Variants in TRIM66 observed in about 807,000 individuals in gnomAD.
The protein encoded by TRIM66 is tripartite motif containing 66, also known as tripartite motif-containing protein 66.
In TRIM66, 99 loss-of-function variants were observed where a neutral mutation model predicts 148.2. The ratio of observed to expected loss-of-function variants is 0.67; its 90% confidence interval spans 0.57 to 0.79. The LOEUF is 0.79. TRIM66 is among the 30% of genes least tolerant of loss of function. TRIM66 has a pLI of 0.00. For synonymous variants in TRIM66, 616 were observed against 635.9 expected, an observed-to-expected ratio of 0.97 and a Z score of 0.47; for missense variants, 1,666 against 1,697.9, an observed-to-expected ratio of 0.98 and a Z score of 0.33.
At chr11:8,681,737 C>T (rs985570336) in intron 1 of TRIM66, among the ~76,000 whole-genome samples, 1 of 151,852 alleles carries the variant, frequency 6.6e-6, no homozygotes, top group African/African-American at 2.4e-5. Flanking sequence ...AAAAACAGTC[C>T]TTGACCACAT....
intron 7 of TRIM66, among the ~76,000 whole-genome samples, chr11:8,650,300 G>C (rs1322246684): frequency 6.6e-6 from 1 of 152,118 alleles, no homozygotes; most frequent in Non-Finnish European, 1.5e-5. Flanking sequence ...TTGAGCTCAG[G>C]AGGTCAAGGC....
intron 15 of TRIM66, among the ~76,000 whole-genome samples, chr11:8,629,096 T>C (rs2035148501): frequency 6.6e-6 from 1 of 152,216 alleles, no homozygotes; most frequent in Admixed American, 6.5e-5. Context: ...TTGGGTAAGC[T>C]AGGAATGAAG....
intron 15 of TRIM66, among the ~76,000 whole-genome samples, chr11:8,632,303 A>G (rs2035477042): frequency 6.6e-6 from 1 of 152,112 alleles, no homozygotes; most frequent in African/African-American, 2.4e-5. Context: ...GTGAGATTTC[A>G]TCTCAAAAAA....
Position 8,625,227 on chromosome 11 carries a change from T to C in TRIM66, c.2312A>G (p.His771Arg), listed in dbSNP as rs1165362144. 2 of 1,494,846 alleles carry C rather than the reference T, an allele frequency of 1.3e-6. No homozygotes were observed. Among genetic ancestry groups the C allele is most frequent in the East Asian group, 5.0e-5 (2 of 40,382 alleles). 92.6% of individuals were successfully genotyped at this position (1,494,846 alleles called of 1,614,324 possible). ...GCCCATGATGCTCAGCGAGGTGGAGTGCTGCAGGAACAGAGACAAGGGGTA... is the reference window on the plus strand; with the variant it reads ...GCCCATGATGCTCAGCGAGGTGGAGCGCTGCAGGAACAGAGACAAGGGGTA... ...QHSSPNVVRK[H>R]STSLSIMGFS... Residue 771 changes from histidine (H) to arginine (R), a missense_variant and splice_region_variant, in exon 16 of 25, where the codon CAC becomes CGC. Coordinates refer to ENST00000646038, the MANE Select transcript of TRIM66 (RefSeq NM_001388022.1).
At chr11:8,681,669 G>A (rs1475834135) in intron 1 of TRIM66, among the ~76,000 whole-genome samples, 1 of 152,146 alleles carries the variant, frequency 6.6e-6, no homozygotes, top group Non-Finnish European at 1.5e-5. Flanking sequence ...GCGAAGACAG[G>A]GAGGTGAGGG....
rs2033670940 is a variant in TRIM66 at position 8,615,601 on chromosome 11, C to T, written c.*2343G>A. The stretch of plus-strand genomic sequence containing the variant: ...CAAAACAAAACCATGATTCAAAACA[C>T]TGGTGGCTAGGTCTAAAGGAAAAGC... On this transcript the variant is annotated 3_prime_UTR_variant, in exon 25 of 25. Coordinates refer to ENST00000646038, the MANE Select transcript of TRIM66 (RefSeq NM_001388022.1). 6.6e-6 allele frequency: 1 copy of T among 151,934 alleles called. No homozygotes were observed. Among genetic ancestry groups the T allele is most frequent in the Admixed American group, 6.6e-5 (1 of 15,244 alleles). The allele number at this position is 151,934 out of a possible 1,614,324, so 9.4% of individuals were successfully genotyped here.
intron 15 of TRIM66, among the ~76,000 whole-genome samples, chr11:8,634,061 C>T (rs1353199243): frequency 6.6e-6 from 1 of 152,184 alleles, no homozygotes; most frequent in African/African-American, 2.4e-5. Flanking sequence ...GAAGTCCTCT[C>T]TTGAAGATCT....
At chr11:8,669,102 C>T (rs2038775857) in intron 6 of TRIM66, among the ~76,000 whole-genome samples, 1 of 152,158 alleles carries the variant, frequency 6.6e-6, no homozygotes, top group Non-Finnish European at 1.5e-5. Flanking sequence ...TGATGAAGGG[C>T]ACCATCATCA....
At chr11:8,668,385 C>A (rs1232329544) in intron 6 of TRIM66, among the ~76,000 whole-genome samples, 1 of 151,536 alleles carries the variant, frequency 6.6e-6, no homozygotes, top group Admixed American at 6.6e-5. Flanking sequence ...TCAATGATTC[C>A]ATGGGTTGAC....
intron 15 of TRIM66, 127 bp downstream of exon 15, chr11:8,638,527 G>T: frequency 1.9e-6 from 2 of 1,043,140 alleles, no homozygotes; most frequent in Non-Finnish European, 2.7e-6. Context: ...CATGAATCAG[G>T]GCTGTGTAGC....
In TRIM66 at chr11:8,620,175, G is replaced by C. The variant is rs2034070245; in HGVS notation, c.3673-51C>G. 47 of 1,504,828 alleles carry C rather than the reference G, an allele frequency of 3.1e-5. 1 individual carries two copies. In the South Asian group the frequency reaches 5.3e-4, roughly 17 times the overall value. The allele number at this position is 1,504,828 out of a possible 1,614,324, so 93.2% of individuals were successfully genotyped here. On this transcript the variant is annotated intron_variant, in intron 21 of 24. Transcript: ENST00000646038. ...GTCACTTTGTTCTGGTCTCACCTCA[G>C]TATGAACTAAAGATGTTGACCCTGA...
At chr11:8,671,501 C>G (rs2038928727) in intron 6 of TRIM66, among the ~76,000 whole-genome samples, 1 of 152,216 alleles carries the variant, frequency 6.6e-6, no homozygotes, top group Non-Finnish European at 1.5e-5. Context: ...TCCTCTCCGT[C>G]TGGGGAGGCA....
chr11:8,682,565 G>A, intron 1 of TRIM66, 36 bp downstream of exon 1: 3 of 587,206 alleles, frequency 5.1e-6, no homozygotes, highest in Non-Finnish European at 9.1e-6. Context: ...TTCTTCAACA[G>A]TTCTCGCCCT....
At chr11:8,629,400 A>C (rs569152193) in intron 15 of TRIM66, among the ~76,000 whole-genome samples, 15 of 152,296 alleles carry the variant, frequency 9.8e-5, no homozygotes, top group African/African-American at 3.6e-4. Flanking sequence ...AATTATATAG[A>C]TGTCTCTTCT....
intron 6 of TRIM66, among the ~76,000 whole-genome samples, chr11:8,671,353 G>C (rs907179190): frequency 1.3e-5 from 2 of 152,068 alleles, no homozygotes; most frequent in South Asian, 2.1e-4. Context: ...GAAGACACAG[G>C]CTCCTCCCTG....
intron 6 of TRIM66, among the ~76,000 whole-genome samples, chr11:8,655,714 G>A (rs532958199): frequency 2.3e-4 from 35 of 152,090 alleles, no homozygotes; most frequent in South Asian, 8.3e-4. Flanking sequence ...GCTAGGAGGC[G>A]GAACTTGCAG....
At chr11:8,683,134 C>T, upstream of TRIM66, 6 of 1,500,812 alleles carry the variant, frequency 4.0e-6, no homozygotes, top group African/African-American at 4.1e-5. Context: ...ACAGGACCAT[C>T]TCGGCTGGCG....
chr11:8,671,829 C>T lies in TRIM66; in HGVS notation c.297G>A (p.Gln99=). 6.6e-7 allele frequency: 1 copy of T among 1,526,116 alleles called. No individual in the cohort carries two copies. Among genetic ancestry groups the T allele is most frequent in the Non-Finnish European group, 8.8e-7 (1 of 1,137,762 alleles). 94.5% of individuals were successfully genotyped at this position (1,526,116 alleles called of 1,614,324 possible). Residue 99 remains glutamine, a synonymous_variant, in exon 6 of 25, where the codon CAG becomes CAA. Coordinates refer to ENST00000646038, the MANE Select transcript of TRIM66 (RefSeq NM_001388022.1). ...LRKDCFQGLI[Q]ELGQIAKAHE... Reference sequence around the variant, plus strand: ...GAGCCTTGGCAATCTGCCCTAGCTCCTGTATCAAGCCCTGGAAGCAGTCCT... The same window carrying T: ...GAGCCTTGGCAATCTGCCCTAGCTCTTGTATCAAGCCCTGGAAGCAGTCCT...
intron 17 of TRIM66, 128 bp from the exon 18 acceptor site, chr11:8,623,004 A>C (rs1442120556): frequency 5.5e-6 from 4 of 722,908 alleles, no homozygotes; most frequent in South Asian, 1.7e-5. Flanking sequence ...AGTTACCTAC[A>C]CTATAGTCAT....
Sources: allele counts gnomAD v4.1 joint callset (sites outside exome capture counted in the v4.1 genomes callset), GRCh38; gene constraint gnomAD v4.1.1; transcripts MANE v1.5; gene names NCBI Gene and HGNC (gene_info 2026-07-23, HGNC 2026-07-21).